COG6: variants seen among roughly 807,000 people sequenced by gnomAD.
COG6 encodes conserved oligomeric Golgi complex subunit 6.
Under a neutral mutation model 88.8 loss-of-function variants are expected in COG6, and 74 were observed. That is an observed-to-expected ratio of 0.83 (90% CI 0.69 to 1.01). The LOEUF (loss-of-function observed/expected upper bound fraction) is 1.01. COG6 is among the 50% of genes least tolerant of loss of function. COG6 has a pLI of 0.00. For missense variants in COG6, 800 were observed against 797.9 expected (o/e 1.00, Z -0.03); for synonymous variants, 286 against 278.7 (o/e 1.03, Z -0.26).
At chr13:39,666,024 G>A (rs1485163853) in intron 4 of COG6, among the ~76,000 whole-genome samples, 3 of 152,140 alleles carry the variant, frequency 2.0e-5, no homozygotes, top group Non-Finnish European at 2.9e-5. Flanking sequence ...CAGTAGAGTC[G>A]TGTGGTTACA....
chr13:39,685,809 T>C (rs1052497808), intron 8 of COG6, among the ~76,000 whole-genome samples: 4 of 152,192 alleles, frequency 2.6e-5, no homozygotes, highest in African/African-American at 9.6e-5. Flanking sequence ...TAAAAAATAG[T>C]AAATGCAAGG....
At chr13:39,781,395 T>C (rs990164570) in intron 18 of COG6, among the ~76,000 whole-genome samples, 1 of 151,468 alleles carries the variant, frequency 6.6e-6, no homozygotes, top group African/African-American at 2.4e-5. Flanking sequence ...CCTGAAAATA[T>C]GAAATGACTG....
chr13:39,765,207 T>C (rs1566043673), intron 18 of COG6, among the ~76,000 whole-genome samples: 1 of 152,210 alleles, frequency 6.6e-6, no homozygotes. Context: ...TATCTCTCTC[T>C]TTCTGTCTCC....
chr13:39,688,036 C>A (rs1876767289), intron 10 of COG6, among the ~76,000 whole-genome samples: 1 of 152,170 alleles, frequency 6.6e-6, no homozygotes, highest in African/African-American at 2.4e-5. Context: ...AGTGACCTTT[C>A]ATATCAAACC....
intron 10 of COG6, among the ~76,000 whole-genome samples, chr13:39,689,476 A>G (rs939633600): frequency 6.6e-6 from 1 of 152,088 alleles, no homozygotes; most frequent in Non-Finnish European, 1.5e-5. Flanking sequence ...CCTCTGTCTT[A>G]TAACTTTAAT....
chr13:39,663,098 G>A (rs1875014085), intron 3 of COG6, among the ~76,000 whole-genome samples: 1 of 134,098 alleles, frequency 7.5e-6, no homozygotes, highest in Non-Finnish European at 1.6e-5. Context: ...TAATAAACAT[G>A]CATTTAGATG....
chr13:39,728,913 T>C (rs1593456818), intron 18 of COG6, among the ~76,000 whole-genome samples: 3 of 152,224 alleles, frequency 2.0e-5, no homozygotes, highest in African/African-American at 7.2e-5. Flanking sequence ...TCCACCTGCC[T>C]CGGCCTCCCA....
intron 18 of COG6, among the ~76,000 whole-genome samples, chr13:39,739,496 A>G (rs1443071523): frequency 1.3e-5 from 2 of 152,146 alleles, no homozygotes; most frequent in African/African-American, 4.8e-5. Flanking sequence ...AGTCATGCTT[A>G]AGTAGGTCTT....
At chr13:39,790,944 G>A (rs1881920737) in exon 19 of COG6, 1 of 151,776 alleles carries the variant, frequency 6.6e-6, no homozygotes, top group African/African-American at 2.4e-5. Flanking sequence ...GAGTTTTTCA[G>A]GTAAACAATT....
chr13:39,704,641 G>A (rs2138044503), intron 13 of COG6, among the ~76,000 whole-genome samples: 1 of 152,216 alleles, frequency 6.6e-6, no homozygotes, highest in East Asian at 1.9e-4. Context: ...TTAAACATGT[G>A]TTGTTTAAGG....
downstream of COG6, among the ~76,000 whole-genome samples, chr13:39,756,479 C>T (rs1448418675): frequency 6.6e-6 from 1 of 152,098 alleles, no homozygotes; most frequent in Non-Finnish European, 1.5e-5. Flanking sequence ...GAAATATTGT[C>T]AGGATACTAG....
In COG6 at chr13:39,687,357, G is replaced by A. The variant is rs1191170988; in HGVS notation, c.789-146G>A. On this transcript the variant is annotated intron_variant, in intron 8 of 18. Coordinates refer to ENST00000455146, the MANE Select transcript of COG6 (RefSeq NM_020751.3). Reference sequence around the variant, plus strand: ...GTTATCTCTTAAATATTTTTTTCTTGTTTGAAAGCAATGTTGCTTGACCGA... The same window carrying A: ...GTTATCTCTTAAATATTTTTTTCTTATTTGAAAGCAATGTTGCTTGACCGA... 1.3e-4 allele frequency: 95 copies of A among 737,392 alleles called. 3 individuals carry two copies. In the South Asian group the frequency reaches 1.5e-3, roughly 12 times the overall value. The allele number at this position is 737,392 out of a possible 1,614,324, so 45.7% of individuals were successfully genotyped here.
chr13:39,754,019 C>G (rs960647655), downstream of COG6, among the ~76,000 whole-genome samples: 1 of 152,142 alleles, frequency 6.6e-6, no homozygotes, highest in African/African-American at 2.4e-5. Flanking sequence ...TTCTGTATCT[C>G]TATTTGTTGA....
chr13:39,784,345 G>A (rs1881713251), intron 18 of COG6, among the ~76,000 whole-genome samples: 1 of 152,132 alleles, frequency 6.6e-6, no homozygotes, highest in Non-Finnish European at 1.5e-5. Flanking sequence ...TAGATTAGTT[G>A]GTAAACTCCA....
rs1370327642 is a variant in COG6 at position 39,694,669 on chromosome 13, G to A, written c.1110G>A (p.Gly370=). 2 of 1,601,822 alleles carry A rather than the reference G, an allele frequency of 1.2e-6. No individual in the cohort carries two copies. The highest frequency in any genetic ancestry group is 1.7e-6 in the Non-Finnish European group (2 of 1,171,074). ...RIEQVIVAEP[G]AVLLYKISNL... is the part of the protein sequence containing the mutation. ...AGCAAGTAATAGTTGCTGAACCTGG[G>A]GCAGTTTTATTATATAAAATTTCTA... The change falls in exon 12 of 19, where the codon GGG becomes GGA. Residue 370 remains glycine (G), a synonymous_variant. Transcript: ENST00000455146.
intron 3 of COG6, among the ~76,000 whole-genome samples, chr13:39,662,350 C>T (rs1187139933): frequency 6.6e-6 from 1 of 152,042 alleles, no homozygotes; most frequent in Non-Finnish European, 1.5e-5. Context: ...TGGTCTCGAA[C>T]TCCTGACCTC....
rs146586924 is a variant in COG6 at position 39,777,668 on chromosome 13, G to C, written c.1827-10667G>C. Among the ~76,000 whole-genome samples, 4 of 152,260 alleles carry C rather than the reference G, an allele frequency of 2.6e-5. No individual in the cohort carries two copies. The East Asian group carries it at 5.8e-4, about 22-fold the overall frequency. ...CACCAGTGTTGCAATCGCAGAGTCA[G>C]GTTAGCTCTTCTTGGTTGGAGTATC... is the stretch of plus-strand genomic sequence containing the variant. On this transcript the variant is annotated intron_variant, in intron 18 of 18. Coordinates refer to the COG6 transcript ENST00000416691.
At chr13:39,718,681 A>G (rs1189961271) in intron 13 of COG6, among the ~76,000 whole-genome samples, 1 of 152,124 alleles carries the variant, frequency 6.6e-6, no homozygotes, top group Non-Finnish European at 1.5e-5. Flanking sequence ...AGCCCAATAT[A>G]TTAATGGTAA....
chr13:39,758,048 C>T (rs1460108059), intron 18 of COG6, among the ~76,000 whole-genome samples: 4 of 151,426 alleles, frequency 2.6e-5, no homozygotes, highest in Non-Finnish European at 5.9e-5. Flanking sequence ...GGTGAAACCC[C>T]GTCTCTACTA....
Sources: gnomAD v4.1 joint callset for allele counts (sites outside exome capture counted in the v4.1 genomes callset) on GRCh38, gnomAD v4.1.1 for gene constraint, MANE v1.5 for transcripts, NCBI Gene and HGNC (gene_info 2026-07-23, HGNC 2026-07-21) for gene names.